Variants in COBLL1 observed in about 807,000 individuals in gnomAD.
COBLL1 encodes the protein cordon-bleu protein-like 1.
A neutral mutation model predicts 94.8 loss-of-function variants in COBLL1; 50 were observed. The ratio of observed to expected loss-of-function variants is 0.53; its 90% CI spans 0.42 to 0.67. The LOEUF is 0.67. Among genes scored for constraint, COBLL1 ranks in the 30% least tolerant of loss-of-function variants. The probability of loss-of-function intolerance (pLI) is 0.00; values close to 1 mark genes in which losing one functional copy is unlikely to be tolerated. For missense variants in COBLL1, 1,362 were observed against 1,348.7 expected, an observed-to-expected ratio of 1.01 and a Z score of -0.15; for synonymous variants, 448 against 473.8, an observed-to-expected ratio of 0.95 and a Z score of 0.71.
chr2:164,794,753 A>C (rs1262963818), intron 2 of COBLL1, among the ~76,000 whole-genome samples: 1 of 151,504 alleles, frequency 6.6e-6, no homozygotes, highest in African/African-American at 2.4e-5. Context: ...GGCAATTTCA[A>C]CCCCCTCATG....
chr2:164,766,764 T>A (rs1312861352), intron 2 of COBLL1, among the ~76,000 whole-genome samples: 1 of 152,208 alleles, frequency 6.6e-6, no homozygotes, highest in Non-Finnish European at 1.5e-5. Context: ...CCTGCTTTCC[T>A]CCATGCACAT....
At chr2:164,729,201 CAAT>C (rs1478390151) in intron 4 of COBLL1, among the ~76,000 whole-genome samples, 3 of 151,372 alleles carry the variant, frequency 2.0e-5, no homozygotes, top group African/African-American at 7.3e-5. Context: ...AGCTTCATAA[CAAT>C]ATGAAGAAAA....
intron 2 of COBLL1, among the ~76,000 whole-genome samples, chr2:164,785,977 G>T (rs1688937500): frequency 6.6e-6 from 1 of 151,638 alleles, no homozygotes; most frequent in Non-Finnish European, 1.5e-5. Context: ...ATTTGATTAA[G>T]GAATTGAAAT....
chr2:164,802,282 G>A lies in COBLL1; in HGVS notation c.41+38874C>T, dbSNP rs147875280. On this transcript the variant is annotated intron_variant, in intron 2 of 13. Transcript: ENST00000652658. ...ACATTTGGCACAATATCTGGCACAT[G>A]GTAAGCATCGATCATAATTTCAGAA... Among the ~76,000 whole-genome samples, 642 of 152,298 alleles carry A rather than the reference G, an allele frequency of 4.2e-3. 4 individuals carry two copies. The highest frequency in any genetic ancestry group is 0.014 in the African/African-American group (598 of 41,570).
rs1254183435 is a variant in COBLL1, at chr2:164,805,329, CTCTCTCTCTATATATA to C, written c.41+35811_41+35826del. On this transcript the variant is annotated intron_variant, in intron 2 of 13. Coordinates refer to ENST00000652658, the MANE Select transcript of COBLL1 (RefSeq NM_001365672.2). ...TCTCTCTCTCTCTCTCTCTCTCTCT[CTCTCTCTCTATATATA>C]TATATATATATATATATAAAACTAA... 5.9e-3 allele frequency among the ~76,000 whole-genome samples: 134 copies of C among 22,670 alleles called. 4 individuals carry two copies. The highest frequency in any genetic ancestry group is 0.029 in the Middle Eastern group (1 of 34). 14.9% of individuals were successfully genotyped at this position (22,670 alleles called of 152,430 possible).
In COBLL1 at chr2:164,841,204, C is replaced by A. The variant is rs887515935; in HGVS notation, c.-8G>T. 39 of 1,231,764 alleles carry A rather than the reference C, an allele frequency of 3.2e-5. No homozygotes were observed. Among genetic ancestry groups the A allele is most frequent in the Admixed American group, 8.5e-5 (2 of 23,584 alleles). 76.3% of individuals were successfully genotyped at this position (1,231,764 alleles called of 1,614,324 possible). A position where few individuals can be genotyped will look rare whatever the true frequency, so the allele number is the denominator to read the frequency against. On this transcript the variant is annotated 5_prime_UTR_variant, in exon 2 of 14. Coordinates refer to ENST00000652658, the MANE Select transcript of COBLL1 (RefSeq NM_001365672.2). The surrounding 1 kb of genome is among the most constrained non-coding windows in gnomAD (Gnocchi z 5.5). ...CGGGGTTCGGCCGTCCATCGCCCTG[C>A]GGGGCGCTGCGCGGGCTCCAGCTCC...
intron 3 of COBLL1, among the ~76,000 whole-genome samples, chr2:164,735,533 A>G (rs185048379): frequency 6.6e-6 from 1 of 152,002 alleles, no homozygotes; most frequent in East Asian, 1.9e-4. Flanking sequence ...TGAGGTTGGG[A>G]ATTACTGACT....
At chr2:164,818,722 T>C (rs1395635574) in intron 2 of COBLL1, among the ~76,000 whole-genome samples, 1 of 149,166 alleles carries the variant, frequency 6.7e-6, no homozygotes, top group Non-Finnish European at 1.5e-5. Flanking sequence ...ATAGTATATA[T>C]ATATGTACTT....
Position 164,695,310 on chromosome 2 carries a change from T to G in COBLL1, c.2082A>C (p.Lys694Asn). 1.2e-6 allele frequency: 2 copies of G among 1,613,932 alleles called. No homozygotes were observed. Among genetic ancestry groups the G allele is most frequent in the East Asian group, 2.2e-5 (1 of 44,860 alleles). ...DLLPPVDRID[K>N]NSTASYLKNY... ...TCTTTAGGTAAGAAGCAGTGGAATT[T>G]TTGTCAATCCTATCTACAGGAGGCA... The change falls in exon 12 of 14, where the codon AAA (lysine) becomes AAC (asparagine). Residue 694 changes from lysine (K) to asparagine (N), a missense_variant. Physicochemically the swap from Lys to Asn is moderately conservative, Grantham distance 94. Transcript: ENST00000652658.
chr2:164,811,565 A>G (rs2105339921), intron 2 of COBLL1, among the ~76,000 whole-genome samples: 1 of 152,076 alleles, frequency 6.6e-6, no homozygotes, highest in African/African-American at 2.4e-5. Flanking sequence ...CTAGCATTCT[A>G]TATTGGATTC....
chr2:164,832,239 A>C (rs355812), intron 2 of COBLL1, among the ~76,000 whole-genome samples: 24,916 of 152,192 alleles, frequency 0.16, 2,952 homozygotes, highest in African/African-American at 0.34. Context: ...TACTTCCTTA[A>C]AAATATATGT....
intron 2 of COBLL1, among the ~76,000 whole-genome samples, chr2:164,762,045 T>C (rs1687709580): frequency 6.6e-6 from 1 of 152,214 alleles, no homozygotes; most frequent in South Asian, 2.1e-4. Context: ...ACTTAAACCG[T>C]TCCTATAACC....
At chr2:164,792,358 G>A (rs141497070) in intron 2 of COBLL1, among the ~76,000 whole-genome samples, 4,100 of 151,960 alleles carry the variant, frequency 0.027, 109 homozygotes, top group African/African-American at 0.072. Context: ...CAAACTTCTG[G>A]GCTCAAGCCA....
chr2:164,819,434 G>A (rs1685048005), intron 2 of COBLL1, among the ~76,000 whole-genome samples: 1 of 152,050 alleles, frequency 6.6e-6, no homozygotes, highest in Non-Finnish European at 1.5e-5. Context: ...AATATTTTAA[G>A]AGTTTGTCAA....
At chr2:164,739,314 A>G (rs1574498306) in intron 3 of COBLL1, among the ~76,000 whole-genome samples, 1 of 152,172 alleles carries the variant, frequency 6.6e-6, no homozygotes, top group South Asian at 2.1e-4. Flanking sequence ...GTGAAAATCA[A>G]TGTACAAACA....
chr2:164,812,538 T>A (rs1033930115), intron 2 of COBLL1, among the ~76,000 whole-genome samples: 1 of 152,052 alleles, frequency 6.6e-6, no homozygotes, highest in Admixed American at 6.6e-5. Flanking sequence ...AACAGACTAA[T>A]GGTTAAGTGA....
intron 9 of COBLL1, chr2:164,703,153 A>G: frequency 6.2e-7 from 1 of 1,614,044 alleles, no homozygotes. Context: ...ACTCAAAGAC[A>G]GAGGTTTCCT....
rs371327024 is a variant in COBLL1 at position 164,699,427 on chromosome 2, C to T, written c.1533G>A (p.Ser511=). 36 of 1,610,848 alleles carry T rather than the reference C, an allele frequency of 2.2e-5. No individual in the cohort carries two copies. Among genetic ancestry groups the T allele is most frequent in the South Asian group, 1.1e-4 (10 of 91,012 alleles). The stretch of plus-strand genomic sequence containing the variant: ...CACCATTCTCTTGGTTTGGGCCCAA[C>T]GACTTCAAGTTTCTTATACTGTCAA... ...KVVDSIRNLK[S]LGPNQENVVQ... Residue 511 remains serine, a synonymous_variant, in exon 11 of 14, where the codon TCG becomes TCA. Transcript: ENST00000652658.
In COBLL1 at chr2:164,773,760, T is replaced by G. The variant is rs759250673; in HGVS notation, c.42-29885A>C. The G allele has an allele frequency of 6.9e-5, 90 of 1,297,092 alleles. 2 individuals are homozygous for G. The South Asian group carries it at 7.7e-4, about 11-fold the overall frequency. The allele number at this position is 1,297,092 out of a possible 1,614,324, so 80.3% of individuals were successfully genotyped here. On this transcript the variant is annotated intron_variant, in intron 2 of 13. Transcript: ENST00000652658. ...GTATTGTTCCTCTAGCGCTTTACTTTTAGAGAATGCTGAACCAACTGTCCT... is the reference window on the plus strand; with the variant it reads ...GTATTGTTCCTCTAGCGCTTTACTTGTAGAGAATGCTGAACCAACTGTCCT...
Sources: allele counts gnomAD v4.1 joint callset (sites outside exome capture counted in the v4.1 genomes callset), GRCh38; gene constraint gnomAD v4.1.1; non-coding constraint Gnocchi (gnomAD v3.1); transcripts MANE v1.5; gene names NCBI Gene and HGNC (gene_info 2026-07-23, HGNC 2026-07-21).